Variants in PPP2R5C observed in about 807,000 individuals in gnomAD.
PPP2R5C encodes the protein serine/threonine-protein phosphatase 2A 56 kDa regulatory subunit gamma isoform.
In PPP2R5C, 7 loss-of-function variants were observed where a neutral mutation model predicts 68.9. That is an observed-to-expected ratio of 0.10 (90% CI 0.06 to 0.19). The LOEUF is 0.19. Among genes scored for constraint, PPP2R5C ranks in the 10% least tolerant of loss-of-function variants. The pLI, the probability that PPP2R5C is intolerant of heterozygous loss-of-function variation, is 1.00. For missense variants in PPP2R5C, 348 were observed against 641.3 expected (o/e 0.54, Z 4.94); for synonymous variants, 210 against 222.2 (o/e 0.95, Z 0.49).
chr14:101,760,937 GAA>G (rs2036475576), upstream of PPP2R5C, among the ~76,000 whole-genome samples: 2 of 93,802 alleles, frequency 2.1e-5, no homozygotes, highest in Non-Finnish European at 4.5e-5. Context: ...CTGGCCGAGG[GAA>G]GAGGAGGGGA....
rs190076195 is a variant in PPP2R5C, at chr14:101,771,881, T to C, written c.93+8911T>C. Among the ~76,000 whole-genome samples, 114 of 152,266 alleles carry C rather than the reference T, an allele frequency of 7.5e-4. 1 individual carries two copies. Among genetic ancestry groups the C allele is most frequent in the Non-Finnish European group, 9.8e-4 (67 of 68,024 alleles). On this transcript the variant is annotated intron_variant, in intron 2 of 14. Transcript: ENST00000328724. ...GTTAGACCTGCCCTGGCCAAGATGT[T>C]TGTTGTTTGCTGCATATGGCTATTT...
intron 3 of PPP2R5C, among the ~76,000 whole-genome samples, chr14:101,801,715 C>G (rs1181808369): frequency 6.6e-6 from 1 of 152,200 alleles, no homozygotes; most frequent in South Asian, 2.1e-4. Flanking sequence ...AAAAACATCT[C>G]TCGTTTATGG....
rs533268098 is a variant in PPP2R5C at position 101,867,657 on chromosome 14, A to G, written c.294+10772A>G. 6.6e-5 allele frequency among the ~76,000 whole-genome samples: 10 copies of G among 152,108 alleles called. No homozygotes were observed. In the East Asian group the frequency reaches 1.9e-3, roughly 30 times the overall value. On this transcript the variant is annotated intron_variant, in intron 2 of 13. Transcript: ENST00000334743. ...GCCAGGCATGGTGGCGGGCACCTGT[A>G]GTCCCAGCTACTCGGGAGGCTGAGG...
chr14:101,834,415 T>C (rs1490250344), intron 1 of PPP2R5C, among the ~76,000 whole-genome samples: 1 of 152,254 alleles, frequency 6.6e-6, no homozygotes, highest in Non-Finnish European at 1.5e-5. Context: ...AGATGGTCCC[T>C]TGATGTGGCG....
At chr14:101,901,954 A>T in intron 9 of PPP2R5C, 65 bp downstream of exon 11, 1 of 1,539,486 alleles carries the variant, frequency 6.5e-7, no homozygotes, top group African/African-American at 1.4e-5. Context: ...GAAAAGTTCC[A>T]TGCGTAGCTG....
At chr14:101,842,273 G>A (rs1444211084) in intron 1 of PPP2R5C, among the ~76,000 whole-genome samples, 1 of 152,218 alleles carries the variant, frequency 6.6e-6, no homozygotes, top group Non-Finnish European at 1.5e-5. Context: ...TAGGGAGTGT[G>A]ATATGATGGG....
chr14:101,772,945 A>G (rs1055357062), intron 2 of PPP2R5C, among the ~76,000 whole-genome samples: 8 of 152,144 alleles, frequency 5.3e-5, no homozygotes, highest in African/African-American at 1.2e-4. Flanking sequence ...AAGCTGTGCA[A>G]TGTGGCAGAG....
chr14:101,904,700 G>A (rs547878139), intron 9 of PPP2R5C, among the ~76,000 whole-genome samples: 14 of 152,240 alleles, frequency 9.2e-5, no homozygotes, highest in Non-Finnish European at 1.5e-4. Flanking sequence ...CATACACACC[G>A]CACCACAACC....
At chr14:101,919,969 C>CAAAAAAAAAAAAAAAAA (rs34641396) in intron 13 of PPP2R5C, among the ~76,000 whole-genome samples, 8 of 52,874 alleles carry the variant, frequency 1.5e-4, no homozygotes, top group East Asian at 6.0e-4. Flanking sequence ...AACTCCGTCT[C>CAAAAAAAAAAAAAAAAA]AAAAAAAAAA....
In PPP2R5C at chr14:101,917,494, C is replaced by G. The variant is rs75706617; in HGVS notation, c.1327-337C>G. 5.8e-3 allele frequency among the ~76,000 whole-genome samples: 885 copies of G among 152,244 alleles called. 10 individuals carry two copies. The highest frequency in any genetic ancestry group is 0.02 in the African/African-American group (832 of 41,546). On this transcript the variant is annotated intron_variant, in intron 12 of 13. Coordinates refer to ENST00000334743, the Ensembl canonical transcript of PPP2R5C. The surrounding 1 kb of genome is among the most constrained non-coding windows in gnomAD (Gnocchi z 4.4). ...TCCAGTGGTGAGACAGCTCCCACCACCGAGCCCAGGGTGCGACCTCGCACT... is the reference window on the plus strand; with the variant it reads ...TCCAGTGGTGAGACAGCTCCCACCAGCGAGCCCAGGGTGCGACCTCGCACT...
intron 5 of PPP2R5C, among the ~76,000 whole-genome samples, chr14:101,885,521 A>G (rs1678025): frequency 0.46 from 57,272 of 125,558 alleles, 14,469 homozygotes; most frequent in African/African-American, 0.77. Flanking sequence ...AGCCTGCGTC[A>G]GGAGCACCCT....
intron 1 of PPP2R5C, among the ~76,000 whole-genome samples, chr14:101,832,846 C>T (rs2040835186): frequency 6.6e-6 from 1 of 152,218 alleles, no homozygotes; most frequent in African/African-American, 2.4e-5. Context: ...TCTGCATGCT[C>T]TTCTGCATTT....
intron 2 of PPP2R5C, among the ~76,000 whole-genome samples, chr14:101,778,169 A>G (rs74782218): frequency 7.9e-4 from 121 of 152,316 alleles, no homozygotes; most frequent in African/African-American, 2.8e-3. Context: ...CCTAACATCT[A>G]AAGGTGGTGA....
At chr14:101,779,171 G>A (rs1485751442) in intron 2 of PPP2R5C, among the ~76,000 whole-genome samples, 1 of 152,250 alleles carries the variant, frequency 6.6e-6, no homozygotes, top group Admixed American at 6.5e-5. Context: ...GGAAGTGGTT[G>A]TGTGAAGGCT....
At chr14:101,898,226 G>GT (rs2045476294) in intron 8 of PPP2R5C, among the ~76,000 whole-genome samples, 2 of 152,222 alleles carry the variant, frequency 1.3e-5, no homozygotes, top group South Asian at 4.1e-4. Context: ...TTGAAAGTAT[G>GT]TATTTTTCTT....
At chr14:101,838,084 A>G (rs982421287) in intron 1 of PPP2R5C, among the ~76,000 whole-genome samples, 11 of 152,258 alleles carry the variant, frequency 7.2e-5, no homozygotes, top group Non-Finnish European at 1.2e-4. Context: ...TTTAAACACT[A>G]AAGAGGTAGC....
chr14:101,807,559 T>C (rs77160652), upstream of PPP2R5C, among the ~76,000 whole-genome samples: 1,575 of 152,354 alleles, frequency 0.01, 81 homozygotes, highest in Admixed American at 0.087. Flanking sequence ...GGGGAAATTA[T>C]CAGCATAGCT....
At chr14:101,824,932 G>A (rs2040304243) in intron 1 of PPP2R5C, 1 of 152,926 alleles carries the variant, frequency 6.5e-6, no homozygotes, top group Admixed American at 6.5e-5. Context: ...GGTATGTGTT[G>A]GGGGTGGTTG....
At chr14:101,925,251 G>T in exon 14 of PPP2R5C, 1 of 1,613,344 alleles carries the variant, frequency 6.2e-7, no homozygotes, top group East Asian at 2.2e-5. Context: ...CCGATGAGCT[G>T]GCCTCCCAGG....
Sources: allele counts gnomAD v4.1 joint callset (sites outside exome capture counted in the v4.1 genomes callset), GRCh38; gene constraint gnomAD v4.1.1; non-coding constraint Gnocchi (gnomAD v3.1); transcripts MANE v1.5; gene names NCBI Gene and HGNC (gene_info 2026-07-23, HGNC 2026-07-21).